Variants in NFATC1 observed in about 807,000 individuals in gnomAD.
NFATC1 encodes nuclear factor of activated T cells 1, also known as nuclear factor of activated T-cells, cytoplasmic 1.
Under a neutral mutation model 76.0 loss-of-function variants are expected in NFATC1, and 22 were observed. The observed-to-expected ratio is 0.29, with a 90% confidence interval of 0.21 to 0.41. The LOEUF is 0.41. Among genes scored for constraint, NFATC1 ranks in the 10% least tolerant of loss-of-function variants. NFATC1 has a pLI of 1.00. For missense variants in NFATC1, 1,357 were observed against 1,337.7 expected, an observed-to-expected ratio of 1.01 and a Z score of -0.23; for synonymous variants, 704 against 613.1, an observed-to-expected ratio of 1.15 and a Z score of -2.19.
rs201186050 is a variant in NFATC1, at chr18:79,467,757, C to T, written c.2092+175C>T. Reference sequence around the variant, plus strand: ...CCTGAAAAGGAAAGGAAAAGGGAAGCTTCGGATGCATTTTCCTTGATCCCT... The same window carrying T: ...CCTGAAAAGGAAAGGAAAAGGGAAGTTTCGGATGCATTTTCCTTGATCCCT... On this transcript the variant is annotated intron_variant, in intron 8 of 9. Coordinates refer to ENST00000427363, the MANE Select transcript of NFATC1 (RefSeq NM_001278669.2). 52 of 1,163,130 alleles carry T rather than the reference C, an allele frequency of 4.5e-5. No individual in the cohort carries two copies. The East Asian group carries it at 1.7e-3, about 38-fold the overall frequency. 72.1% of individuals were successfully genotyped at this position (1,163,130 alleles called of 1,614,324 possible).
At chr18:79,464,081 GTTGTTTTTTGT>G (rs1410005829) in intron 7 of NFATC1, among the ~76,000 whole-genome samples, 2 of 152,318 alleles carry the variant, frequency 1.3e-5, no homozygotes, top group African/African-American at 2.4e-5. Flanking sequence ...AAGTTTACTG[GTTGTTTTTTGT>G]TTGTTTTTTG....
chr18:79,437,221 T>C (rs1261040064), intron 3 of NFATC1, among the ~76,000 whole-genome samples: 1 of 152,148 alleles, frequency 6.6e-6, no homozygotes, highest in Admixed American at 6.5e-5. Context: ...CCTGTGCGTG[T>C]GAGGGGATAG....
intron 9 of NFATC1, among the ~76,000 whole-genome samples, chr18:79,492,333 TG>T (rs1306974173): frequency 6.6e-6 from 1 of 152,128 alleles, no homozygotes; most frequent in Admixed American, 6.5e-5. Context: ...GAGGCCTAGG[TG>T]GGTGGATCAC....
At chr18:79,480,932 C>T (rs1044825694) in intron 8 of NFATC1, among the ~76,000 whole-genome samples, 5 of 152,238 alleles carry the variant, frequency 3.3e-5, no homozygotes, top group African/African-American at 9.6e-5. Context: ...ACCTTCCAGC[C>T]ATGTGCTTTT....
intron 9 of NFATC1, among the ~76,000 whole-genome samples, chr18:79,489,515 G>A (rs2089615083): frequency 6.6e-6 from 1 of 152,218 alleles, no homozygotes; most frequent in Non-Finnish European, 1.5e-5. Flanking sequence ...TTCCCGGCGT[G>A]CTGCCGTCGG....
intron 9 of NFATC1, among the ~76,000 whole-genome samples, chr18:79,490,088 T>TCC (rs552582945): frequency 6.8e-6 from 1 of 147,488 alleles, no homozygotes; most frequent in East Asian, 1.9e-4. Context: ...TGGCCTGATC[T>TCC]CCCCCCCGCC....
intron 8 of NFATC1, among the ~76,000 whole-genome samples, chr18:79,482,927 C>T (rs1348730483): frequency 3.4e-4 from 44 of 129,392 alleles, no homozygotes; most frequent in African/African-American, 1.2e-3. Context: ...GTCACTCCAG[C>T]GTGACCTCGT....
intron 9 of NFATC1, among the ~76,000 whole-genome samples, chr18:79,495,840 C>A (rs2145114991): frequency 6.6e-6 from 1 of 152,164 alleles, no homozygotes; most frequent in South Asian, 2.1e-4. Flanking sequence ...GTAACACAGG[C>A]AAGCTGTGAA....
At chr18:79,437,645 G>T (rs999446101) in intron 3 of NFATC1, among the ~76,000 whole-genome samples, 2 of 152,370 alleles carry the variant, frequency 1.3e-5, no homozygotes, top group East Asian at 3.9e-4. Context: ...CTCACACTGA[G>T]TGTCCTGATG....
intron 2 of NFATC1, among the ~76,000 whole-genome samples, chr18:79,427,883 GCAGT>G (rs2086444823): frequency 7.0e-6 from 1 of 142,942 alleles, no homozygotes; most frequent in Non-Finnish European, 1.5e-5. Flanking sequence ...TGGCCTCTGT[GCAGT>G]GAGTCGGGGA....
chr18:79,498,011 G>C (rs1326272203), intron 9 of NFATC1: 1 of 133,128 alleles, frequency 7.5e-6, no homozygotes, highest in African/African-American at 2.8e-5. Context: ...AGTCACATAA[G>C]CAACAACCAA....
intron 9 of NFATC1, chr18:79,527,285 A>G: frequency 2.2e-6 from 1 of 457,266 alleles, no homozygotes; most frequent in South Asian, 3.3e-5. Context: ...GCCGTCAGAG[A>G]CGTGCTGGTA....
intron 2 of NFATC1, among the ~76,000 whole-genome samples, chr18:79,423,518 C>G (rs568977128): frequency 2.5e-4 from 38 of 152,302 alleles, no homozygotes; most frequent in African/African-American, 8.9e-4. Context: ...GGTCATTGCC[C>G]GTGGCCACAT....
chr18:79,452,070 G>A (rs1228692547), intron 6 of NFATC1: 3 of 385,916 alleles, frequency 7.8e-6, no homozygotes, highest in African/African-American at 2.1e-5. Context: ...CACTCACATC[G>A]CTGCTGATAC....
chr18:79,400,444 A>C, intron 1 of NFATC1: 1 of 1,492,022 alleles, frequency 6.7e-7, no homozygotes. Flanking sequence ...TTCGAGTTTA[A>C]CCAGCGCGAC....
At chr18:79,527,295 A>G in intron 9 of NFATC1, 1 of 502,716 alleles carries the variant, frequency 2.0e-6, no homozygotes, top group Non-Finnish European at 3.6e-6. Context: ...ACGTGCTGGT[A>G]CCGTGCTACG....
intron 8 of NFATC1, among the ~76,000 whole-genome samples, chr18:79,480,759 C>T (rs1023675302): frequency 2.6e-5 from 4 of 152,204 alleles, no homozygotes; most frequent in Non-Finnish European, 4.4e-5. Context: ...GACAGCTGTG[C>T]ACGGGGCCTC....
At chr18:79,471,946 C>T (rs143068679) in intron 8 of NFATC1, among the ~76,000 whole-genome samples, 2,090 of 152,298 alleles carry the variant, frequency 0.014, 23 homozygotes, top group Non-Finnish European at 0.02. Context: ...GGCCCTGCAA[C>T]GATGACCTAG....
rs551868025 is a variant in NFATC1, at chr18:79,409,368, A to G, written c.128-1035A>G. Among the ~76,000 whole-genome samples, 691 of 150,182 alleles carry G rather than the reference A, an allele frequency of 4.6e-3. 4 individuals are homozygous for G. Among genetic ancestry groups the G allele is most frequent in the African/African-American group, 0.016 (646 of 40,498 alleles). On this transcript the variant is annotated intron_variant, in intron 1 of 9. Transcript: ENST00000427363. ...TCCATCCATCCATCATCATTCATCCATCCATCCATCATCCATCCATTATTC... is the reference window on the plus strand; with the variant it reads ...TCCATCCATCCATCATCATTCATCCGTCCATCCATCATCCATCCATTATTC...
Sources: allele counts gnomAD v4.1 joint callset (sites outside exome capture counted in the v4.1 genomes callset), GRCh38; gene constraint gnomAD v4.1.1; transcripts MANE v1.5; gene names NCBI Gene and HGNC (gene_info 2026-07-23, HGNC 2026-07-21).